The following ZNF273 variants were observed in gnomAD, a reference collection of about 807,000 sequenced individuals.
ZNF273 encodes zinc finger protein 9.
Under a neutral mutation model 14.9 loss-of-function variants are expected in ZNF273, and 11 were observed. The observed-to-expected ratio is 0.74, with a 90% CI of 0.46 to 1.22. ZNF273 has a LOEUF of 1.22. Ranked by LOEUF, ZNF273 falls within the 50% of genes most tolerant of loss-of-function variation. The pLI, the probability that ZNF273 is intolerant of heterozygous loss-of-function variation, is 0.00. For missense variants in ZNF273, 577 were observed against 660.6 expected, an observed-to-expected ratio of 0.87 and a Z score of 1.39; for synonymous variants, 199 against 223.9, an observed-to-expected ratio of 0.89 and a Z score of 0.99.
chr7:64,912,824 TA>T (rs1793617424), intron 1 of ZNF273, among the ~76,000 whole-genome samples: 1 of 87,034 alleles, frequency 1.1e-5, no homozygotes, highest in Non-Finnish European at 2.4e-5. Flanking sequence ...GGATTCATTT[TA>T]GTTTTTTTTT....
downstream of ZNF273, among the ~76,000 whole-genome samples, chr7:64,892,650 A>G (rs1792105619): frequency 6.6e-6 from 1 of 152,210 alleles, no homozygotes; most frequent in African/African-American, 2.4e-5. Flanking sequence ...TGCTGCAGAG[A>G]GAGGGGTCCC....
At chr7:64,882,223 A>G (rs1408039399), downstream of ZNF273, among the ~76,000 whole-genome samples, 1 of 152,074 alleles carries the variant, frequency 6.6e-6, no homozygotes, top group East Asian at 1.9e-4. Context: ...ACCCCCTGGG[A>G]CCCGATTCCT....
At chr7:64,914,436 A>G (rs1457966792) in intron 1 of ZNF273, among the ~76,000 whole-genome samples, 2 of 151,790 alleles carry the variant, frequency 1.3e-5, no homozygotes, top group Non-Finnish European at 2.9e-5. Context: ...AGCCACAGTT[A>G]TTTTCACACC....
At chr7:64,889,473 G>T, downstream of ZNF273, 4 of 985,910 alleles carry the variant, frequency 4.1e-6, no homozygotes, top group Non-Finnish European at 4.8e-6. This position sits in a 1 kb window ranked among gnomAD's most constrained non-coding sequence, Gnocchi z 4.2. Flanking sequence ...CTGCGTCCCC[G>T]CGGGACGCCA....
chr7:64,900,433 G>A (rs1356541291), upstream of ZNF273, among the ~76,000 whole-genome samples: 1 of 152,224 alleles, frequency 6.6e-6, no homozygotes, highest in Non-Finnish European at 1.5e-5. Context: ...TAGGCAGATA[G>A]CGAGGGTAAA....
intron 1 of ZNF273, chr7:64,888,237 C>G: frequency 1.1e-6 from 1 of 940,764 alleles, no homozygotes; most frequent in Non-Finnish European, 1.3e-6. Context: ...CACCCTCCAG[C>G]CAGAGGAGGG....
chr7:64,901,978 C>T (rs1271358043), upstream of ZNF273, among the ~76,000 whole-genome samples: 4 of 151,094 alleles, frequency 2.6e-5, no homozygotes, highest in Non-Finnish European at 5.9e-5. Flanking sequence ...CCTAGCACTA[C>T]TTTGGGAGGC....
chr7:64,923,086 G>A (rs1238485474), intron 3 of ZNF273, among the ~76,000 whole-genome samples: 3 of 152,022 alleles, frequency 2.0e-5, no homozygotes, highest in African/African-American at 7.2e-5. Context: ...ATCTTACAAA[G>A]CTAGTCTCAA....
At position 64,928,493 on chromosome 7, in the gene ZNF273, C is replaced by T. The variant is rs769491145; in HGVS notation, c.1165C>T (p.Leu389Phe). The T allele has an allele frequency of 6.2e-7, 1 of 1,612,548 alleles. No homozygotes were observed. Among genetic ancestry groups the T allele is most frequent in the Non-Finnish European group, 8.5e-7 (1 of 1,179,612 alleles). ...CAAAGCTTTTAACCAGTCCTCAACC[C>T]TTACTAGACATAAGATAGTTCATAC... Reference protein sequence around the residue: ...CGKAFNQSSTLTRHKIVHTGE... With the variant: ...CGKAFNQSSTFTRHKIVHTGE... The change falls in exon 4 of 4, where the codon CTT becomes TTT. Residue 389 changes from leucine to phenylalanine, a missense_variant. Leu to Phe is a conservative substitution (Grantham distance 22). This residue lies in a region of ZNF273 where 411 missense variants were observed against 440.4 expected (regional missense o/e 0.93). Coordinates refer to ENST00000476120, the MANE Select transcript of ZNF273 (RefSeq NM_021148.3).
chr7:64,912,677 G>GAAA (rs1005342925), intron 1 of ZNF273, among the ~76,000 whole-genome samples: 1 of 151,892 alleles, frequency 6.6e-6, no homozygotes, highest in Non-Finnish European at 1.5e-5. Flanking sequence ...TCTGTTTCCT[G>GAAA]AAAATAAGGG....
At chr7:64,888,606 C>G (rs1583960452) in exon 2 of ZNF273, 1 of 985,914 alleles carries the variant, frequency 1.0e-6, no homozygotes. Flanking sequence ...TCCACCTTCT[C>G]CACCACCCAG....
At chr7:64,886,772 C>G (rs566653888) in intron 1 of ZNF273, among the ~76,000 whole-genome samples, 1 of 152,198 alleles carries the variant, frequency 6.6e-6, no homozygotes, top group Non-Finnish European at 1.5e-5. Context: ...ATGAGGTGAC[C>G]TACGATGCTT....
downstream of ZNF273, chr7:64,889,324 A>C: frequency 2.1e-6 from 2 of 963,180 alleles, no homozygotes; most frequent in Non-Finnish European, 2.5e-6. This position sits in a 1 kb window ranked among gnomAD's most constrained non-coding sequence, Gnocchi z 4.2. Context: ...AGCCGTACCC[A>C]CCGCGTCCCC....
intron 1 of ZNF273, among the ~76,000 whole-genome samples, chr7:64,887,060 T>A (rs1474431824): frequency 6.6e-6 from 1 of 152,190 alleles, no homozygotes; most frequent in Non-Finnish European, 1.5e-5. Context: ...AAAGGTGTTA[T>A]GTCCCAAGGA....
chr7:64,884,952 G>GCTGACAGCC (rs369213527), intron 1 of ZNF273, among the ~76,000 whole-genome samples: 3 of 152,236 alleles, frequency 2.0e-5, no homozygotes, highest in Non-Finnish European at 4.4e-5. Flanking sequence ...GCTCAGGCAG[G>GCTGACAGCC]CTGACAGCCC....
At chr7:64,896,613 T>G (rs981481386) in intron 3 of ZNF273, among the ~76,000 whole-genome samples, 2 of 152,118 alleles carry the variant, frequency 1.3e-5, no homozygotes, top group African/African-American at 4.8e-5. Context: ...ATAATATATT[T>G]AGAAGAGCTT....
chr7:64,881,353 C>A (rs910324978), downstream of ZNF273, among the ~76,000 whole-genome samples: 2 of 152,248 alleles, frequency 1.3e-5, no homozygotes, highest in East Asian at 1.9e-4. Context: ...GGAAACGATT[C>A]CCTGTCCACG....
upstream of ZNF273, among the ~76,000 whole-genome samples, chr7:64,902,174 A>G (rs1390247267): frequency 6.6e-6 from 1 of 151,272 alleles, no homozygotes; most frequent in Non-Finnish European, 1.5e-5. Flanking sequence ...TATAACGATG[A>G]AATTGTTACA....
Position 64,928,122 on chromosome 7 carries a change from A to G in ZNF273, c.794A>G (p.Glu265Gly). ...IHPEVNPYKC[E>G]ECGKAFNQSL... ...CCTGAAGTGAATCCCTACAAATGTGAAGAATGTGGCAAAGCCTTTAACCAG... is the reference window on the plus strand; with the variant it reads ...CCTGAAGTGAATCCCTACAAATGTGGAGAATGTGGCAAAGCCTTTAACCAG... Residue 265 changes from glutamate to glycine, a missense_variant, in exon 4 of 4, where the codon GAA (glutamate) becomes GGA (glycine). By Grantham distance (98) the Glu-to-Gly change is moderately conservative. Around this residue, in one of 3 missense-constraint regions of ZNF273, gnomAD observed 411 missense variants for 440.4 expected, o/e 0.93. Transcript: ENST00000476120. The G allele has an allele frequency of 6.2e-7, 1 of 1,613,506 alleles. No homozygotes were observed. Among genetic ancestry groups the G allele is most frequent in the Middle Eastern group, 1.7e-4 (1 of 6,056 alleles).
Sources: allele counts gnomAD v4.1 joint callset (sites outside exome capture counted in the v4.1 genomes callset), GRCh38; gene constraint gnomAD v4.1.1; regional missense constraint gnomAD v4.1.1; non-coding constraint Gnocchi (gnomAD v3.1); transcripts MANE v1.5; gene names NCBI Gene and HGNC (gene_info 2026-07-23, HGNC 2026-07-21).